LSAMP: variants seen among roughly 807,000 people sequenced by gnomAD.
LSAMP encodes limbic system associated membrane protein.
In LSAMP, 7 loss-of-function variants were observed where a neutral mutation model predicts 38.6. The ratio of observed to expected loss-of-function variants is 0.18; its 90% CI spans 0.10 to 0.34. The LOEUF is 0.34. Ranked by LOEUF, LSAMP falls within the 10% of genes least tolerant of loss-of-function variation. The pLI is 1.00. For missense variants in LSAMP, 313 were observed against 420.0 expected (o/e 0.75, Z 2.23); for synonymous variants, 154 against 166.8 (o/e 0.92, Z 0.59).
intron 3 of LSAMP, among the ~76,000 whole-genome samples, chr3:115,907,484 C>A (rs1434890924): frequency 6.6e-6 from 1 of 152,112 alleles, no homozygotes; most frequent in East Asian, 1.9e-4. Context: ...TCATCTTGGA[C>A]TTCCCTGCCT....
intron 3 of LSAMP, among the ~76,000 whole-genome samples, chr3:115,905,501 A>G (rs1002953676): frequency 1.3e-5 from 2 of 152,150 alleles, no homozygotes; most frequent in Non-Finnish European, 2.9e-5. Flanking sequence ...TCTGTGAACA[A>G]CACTGATTTC....
chr3:115,910,144 A>C (rs533068388), intron 3 of LSAMP, among the ~76,000 whole-genome samples: 1 of 152,314 alleles, frequency 6.6e-6, no homozygotes, highest in Admixed American at 6.5e-5. Context: ...GAATATCAGA[A>C]AAATTAAGCA....
At chr3:116,021,811 C>A (rs975518454) in intron 2 of LSAMP, among the ~76,000 whole-genome samples, 1 of 151,340 alleles carries the variant, frequency 6.6e-6, no homozygotes, top group African/African-American at 2.4e-5. Context: ...CTCTCTCTCT[C>A]GGTGTTTTTT....
intron 4 of LSAMP, 145 bp from the exon 5 acceptor site, chr3:115,842,723 C>T (rs1477123842): frequency 1.0e-5 from 10 of 959,474 alleles, no homozygotes; most frequent in African/African-American, 1.7e-5. Context: ...ATTATGTGAT[C>T]AGCTCAATGG....
intron 1 of LSAMP, among the ~76,000 whole-genome samples, chr3:116,347,847 A>G (rs17703257): frequency 0.094 from 14,269 of 152,186 alleles, 754 homozygotes; most frequent in Middle Eastern, 0.14. Flanking sequence ...GTAGAAAAAT[A>G]TCGAATGAGA....
intron 1 of LSAMP, among the ~76,000 whole-genome samples, chr3:116,258,700 A>G (rs1440998376): frequency 1.3e-5 from 2 of 152,124 alleles, no homozygotes; most frequent in African/African-American, 4.8e-5. Context: ...TTTTAAAATC[A>G]TGTGTTTGCC....
chr3:115,989,633 T>C (rs1939611161), intron 3 of LSAMP, among the ~76,000 whole-genome samples: 1 of 152,104 alleles, frequency 6.6e-6, no homozygotes, highest in Admixed American at 6.6e-5. Flanking sequence ...GTCTGGTATA[T>C]CTTTTTGTCA....
intron 1 of LSAMP, among the ~76,000 whole-genome samples, chr3:116,277,849 C>T (rs1442368345): frequency 3.3e-5 from 5 of 152,120 alleles, no homozygotes; most frequent in African/African-American, 1.2e-4. Context: ...TTATTTTCAT[C>T]ATATAAAAGA....
intron 1 of LSAMP, among the ~76,000 whole-genome samples, chr3:116,319,046 G>C (rs1028949486): frequency 6.6e-6 from 1 of 151,994 alleles, no homozygotes; most frequent in African/African-American, 2.4e-5. Flanking sequence ...ATAGAATTGG[G>C]GGGGTGGGGA....
intron 1 of LSAMP, among the ~76,000 whole-genome samples, chr3:116,197,392 T>C (rs1710917631): frequency 6.6e-6 from 1 of 151,938 alleles, no homozygotes. Context: ...AACATCATCT[T>C]TTTTTTTAAA....
At chr3:116,359,934 G>A (rs1271698546) in intron 1 of LSAMP, 2 of 152,276 alleles carry the variant, frequency 1.3e-5, no homozygotes, top group Non-Finnish European at 2.9e-5. Flanking sequence ...GTTTCGTGAT[G>A]AAGATGCCAA....
At chr3:116,285,655 G>A (rs761724960) in intron 1 of LSAMP, among the ~76,000 whole-genome samples, 3 of 152,046 alleles carry the variant, frequency 2.0e-5, no homozygotes, top group Non-Finnish European at 4.4e-5. Context: ...TCATTAGAAT[G>A]TAAAAGTCAT....
chr3:116,079,004 T>G (rs1707812785), intron 2 of LSAMP, among the ~76,000 whole-genome samples: 1 of 152,198 alleles, frequency 6.6e-6, no homozygotes, highest in South Asian at 2.1e-4. Context: ...AGGAAATATA[T>G]GTACACAATT....
intron 1 of LSAMP, among the ~76,000 whole-genome samples, chr3:116,106,402 C>A: frequency 6.6e-6 from 1 of 152,058 alleles, no homozygotes; most frequent in East Asian, 1.9e-4. Context: ...GGTCTGGTGT[C>A]TGGAATGAGA....
chr3:116,104,698 G>A (rs1039954131), intron 1 of LSAMP, among the ~76,000 whole-genome samples: 1 of 152,168 alleles, frequency 6.6e-6, no homozygotes, highest in Non-Finnish European at 1.5e-5. Context: ...ACTCGCAAGT[G>A]AACTACCTCA....
At chr3:116,102,932 C>T (rs564773672) in intron 1 of LSAMP, among the ~76,000 whole-genome samples, 2 of 152,194 alleles carry the variant, frequency 1.3e-5, no homozygotes, top group Admixed American at 1.3e-4. Flanking sequence ...TTATACCTTG[C>T]TCTTTATCAC....
rs118096678 is a variant in LSAMP at position 116,173,308 on chromosome 3, G to T, written c.156-86752C>A. Reference sequence around the variant, plus strand: ...TATTTGGGTAAATCCCACTACATTTGTTTTAATTGCTTCATCTAAATGTTG... The same window carrying T: ...TATTTGGGTAAATCCCACTACATTTTTTTTAATTGCTTCATCTAAATGTTG... On this transcript the variant is annotated intron_variant, in intron 1 of 6. Coordinates refer to ENST00000490035, the MANE Select transcript of LSAMP (RefSeq NM_002338.5). 2.1e-3 allele frequency among the ~76,000 whole-genome samples: 320 copies of T among 152,150 alleles called. 8 individuals are homozygous for T. The East Asian group carries it at 0.057, about 27-fold the overall frequency.
At chr3:116,169,129 C>T (rs1036045746) in intron 1 of LSAMP, among the ~76,000 whole-genome samples, 12 of 152,104 alleles carry the variant, frequency 7.9e-5, no homozygotes, top group Admixed American at 5.2e-4. Context: ...CCCTTGAGCC[C>T]AGGAGTTCCA....
intron 1 of LSAMP, among the ~76,000 whole-genome samples, chr3:116,131,768 C>T (rs1709139560): frequency 6.6e-6 from 1 of 151,794 alleles, no homozygotes; most frequent in South Asian, 2.1e-4. Flanking sequence ...ACCCAACCCA[C>T]AGTGTCAAAC....
Sources: gnomAD v4.1 joint callset for allele counts (sites outside exome capture counted in the v4.1 genomes callset) on GRCh38, gnomAD v4.1.1 for gene constraint, MANE v1.5 for transcripts, NCBI Gene and HGNC (gene_info 2026-07-23, HGNC 2026-07-21) for gene names.